Variants in ACER3 observed in about 807,000 individuals in gnomAD.
The protein encoded by ACER3 is alkaline ceramidase 3, also known as alkCDase 3.
ACER3 carries 16 observed loss-of-function variants against 48.9 expected under a neutral mutation model. The observed-to-expected ratio is 0.33, with a 90% CI of 0.22 to 0.50. The LOEUF (loss-of-function observed/expected upper bound fraction) is 0.50, where lower values mean the gene tolerates loss of function less well. ACER3 is among the 20% of genes least tolerant of loss of function. The pLI is 0.98. For synonymous variants in ACER3, 109 were observed against 107.8 expected, an observed-to-expected ratio of 1.01 and a Z score of -0.07; for missense variants, 227 against 326.0, an observed-to-expected ratio of 0.70 and a Z score of 2.34.
chr11:77,007,790 G>A (rs1949184329), intron 7 of ACER3, among the ~76,000 whole-genome samples: 1 of 152,190 alleles, frequency 6.6e-6, no homozygotes, highest in Admixed American at 6.5e-5. Flanking sequence ...CTGGCATGGG[G>A]TTGAAGCACC....
At chr11:76,862,285 C>CAA (rs11325230) in intron 1 of ACER3, among the ~76,000 whole-genome samples, 1 of 145,156 alleles carries the variant, frequency 6.9e-6, no homozygotes, top group African/African-American at 2.5e-5. Flanking sequence ...GGCTAAGTTT[C>CAA]AAAAAAAAAA....
intron 1 of ACER3, among the ~76,000 whole-genome samples, chr11:76,889,716 G>A (rs954811421): frequency 1.3e-5 from 2 of 152,028 alleles, no homozygotes; most frequent in Admixed American, 1.3e-4. Context: ...TATTGTCTTT[G>A]TCTGGAATGT....
intron 3 of ACER3, among the ~76,000 whole-genome samples, chr11:76,969,618 A>G (rs541570290): frequency 1.3e-5 from 2 of 152,098 alleles, no homozygotes; most frequent in African/African-American, 4.8e-5. Flanking sequence ...TGCAGCCATA[A>G]AAAAGGATGA....
At chr11:76,997,991 G>A (rs1468925550) in intron 6 of ACER3, among the ~76,000 whole-genome samples, 1 of 152,178 alleles carries the variant, frequency 6.6e-6, no homozygotes, top group Non-Finnish European at 1.5e-5. Flanking sequence ...ATACAAGTCA[G>A]GAGAGTGGTT....
intron 7 of ACER3, among the ~76,000 whole-genome samples, chr11:77,010,482 C>T (rs1194909024): frequency 6.8e-6 from 1 of 146,626 alleles, no homozygotes; most frequent in Non-Finnish European, 1.5e-5. Flanking sequence ...AGAAATATTA[C>T]TGAATAGATA....
chr11:76,928,773 A>T (rs978620193), intron 2 of ACER3, among the ~76,000 whole-genome samples: 2 of 151,964 alleles, frequency 1.3e-5, no homozygotes, highest in Non-Finnish European at 1.5e-5. Flanking sequence ...ATGGTTGTAG[A>T]TGTGTGGTAT....
intron 1 of ACER3, among the ~76,000 whole-genome samples, chr11:76,894,390 AC>A (rs753778355): frequency 7.9e-5 from 12 of 152,256 alleles, no homozygotes; most frequent in Non-Finnish European, 1.3e-4. Flanking sequence ...ATTACCTTAA[AC>A]TCTCAAATTT....
At chr11:77,016,648 C>A in intron 8 of ACER3, 27 bp from the exon 9 acceptor site, 1 of 1,228,020 alleles carries the variant, frequency 8.1e-7, no homozygotes, top group Non-Finnish European at 1.2e-6. Flanking sequence ...AAAAATTTAA[C>A]GTGATTTTCT....
intron 3 of ACER3, among the ~76,000 whole-genome samples, chr11:76,972,941 C>G (rs1181763536): frequency 6.6e-6 from 1 of 152,246 alleles, no homozygotes; most frequent in East Asian, 1.9e-4. Context: ...GTGTGGGACC[C>G]CCAAGGTGCC....
chr11:77,004,996 T>A (rs1949102900), intron 7 of ACER3, among the ~76,000 whole-genome samples: 2 of 151,930 alleles, frequency 1.3e-5, no homozygotes, highest in East Asian at 3.9e-4. Context: ...TTTTTTGCTT[T>A]TATATGCTTT....
rs544882667 is a variant in ACER3, at chr11:76,918,698, ATATT to A, written c.104-7854_104-7851del. ...TAATCTTTATATGTGTTATTTGGTCATATTTATTATTTATATCATATTCAATTAT... is the reference window on the plus strand; with the variant it reads ...TAATCTTTATATGTGTTATTTGGTCATATTATTTATATCATATTCAATTAT... On this transcript the variant is annotated intron_variant, in intron 1 of 10. Transcript: ENST00000532485. Among the ~76,000 whole-genome samples the A allele has an allele frequency of 7.5e-4, 114 of 152,198 alleles. 2 individuals carry two copies. In the Middle Eastern group the frequency reaches 0.02, roughly 27 times the overall value.
At chr11:76,913,780 G>T (rs1180345421) in intron 1 of ACER3, among the ~76,000 whole-genome samples, 1 of 152,196 alleles carries the variant, frequency 6.6e-6, no homozygotes, top group East Asian at 1.9e-4. Context: ...GAGGCATCAC[G>T]CTACCTGACT....
At chr11:76,997,187 T>A (rs1366374630) in intron 6 of ACER3, among the ~76,000 whole-genome samples, 1 of 152,186 alleles carries the variant, frequency 6.6e-6, no homozygotes, top group Non-Finnish European at 1.5e-5. Flanking sequence ...ACAATAATTC[T>A]CTTCCACTTT....
At chr11:76,910,254 C>T (rs889593393) in intron 1 of ACER3, among the ~76,000 whole-genome samples, 4 of 151,858 alleles carry the variant, frequency 2.6e-5, no homozygotes, top group Non-Finnish European at 5.9e-5. Context: ...CACATGTGTC[C>T]CAGTACATAA....
chr11:76,943,223 G>A (rs527623569), intron 2 of ACER3, among the ~76,000 whole-genome samples: 1 of 151,808 alleles, frequency 6.6e-6, no homozygotes, highest in African/African-American at 2.4e-5. Context: ...GTTTGTTCTT[G>A]TTTTTCTAGT....
chr11:77,009,768 A>G (rs1591065064), intron 7 of ACER3, among the ~76,000 whole-genome samples: 1 of 152,132 alleles, frequency 6.6e-6, no homozygotes, highest in Non-Finnish European at 1.5e-5. Flanking sequence ...TCATTATCAC[A>G]CCACTGCACT....
chr11:76,875,104 C>CTT (rs1403847569), intron 1 of ACER3, among the ~76,000 whole-genome samples: 2 of 50,508 alleles, frequency 4.0e-5, no homozygotes, highest in South Asian at 8.2e-4. Context: ...ATGAAAAGCA[C>CTT]TTCTTTTTTT....
chr11:76,925,208 T>C (rs1946796585), intron 1 of ACER3, among the ~76,000 whole-genome samples: 1 of 152,220 alleles, frequency 6.6e-6, no homozygotes, highest in Admixed American at 6.5e-5. Context: ...TTTCTGTTAC[T>C]ACTTTTTGGG....
chr11:76,892,781 A>C (rs969169000), intron 1 of ACER3, among the ~76,000 whole-genome samples: 2 of 152,240 alleles, frequency 1.3e-5, no homozygotes, highest in African/African-American at 4.8e-5. Flanking sequence ...ATTAAGTTAA[A>C]TTAAATAAAT....
Sources: gnomAD v4.1 joint callset for allele counts (sites outside exome capture counted in the v4.1 genomes callset) on GRCh38, gnomAD v4.1.1 for gene constraint, MANE v1.5 for transcripts, NCBI Gene and HGNC (gene_info 2026-07-23, HGNC 2026-07-21) for gene names.